The following RIC1 variants were observed in gnomAD, a reference collection of about 807,000 sequenced individuals.
The protein encoded by RIC1 is RIC1 partner of RAB6A GEF complex, also known as guanine nucleotide exchange factor subunit RIC1.
RIC1 carries 88 observed loss-of-function variants against 169.0 expected under a neutral mutation model. The ratio of observed to expected loss-of-function variants is 0.52; its 90% CI spans 0.44 to 0.62. RIC1 has a LOEUF of 0.62. Among genes scored for constraint, RIC1 ranks in the 20% least tolerant of loss-of-function variants. RIC1 has a pLI of 0.00. For synonymous variants in RIC1, 790 were observed against 601.5 expected (o/e 1.31, Z -4.59); for missense variants, 1,877 against 1,725.5 (o/e 1.09, Z -1.56).
chr9:5,668,433 T>G (rs1819907856), intron 2 of RIC1, among the ~76,000 whole-genome samples: 1 of 152,218 alleles, frequency 6.6e-6, no homozygotes, highest in Non-Finnish European at 1.5e-5. Flanking sequence ...TGGAATTTCT[T>G]GGATTTGTAT....
At chr9:5,667,032 A>G (rs1819813057) in intron 2 of RIC1, among the ~76,000 whole-genome samples, 1 of 152,138 alleles carries the variant, frequency 6.6e-6, no homozygotes, top group Non-Finnish European at 1.5e-5. Context: ...TTTTTCAAAG[A>G]GTCAACTTTT....
intron 7 of RIC1, among the ~76,000 whole-genome samples, chr9:5,735,052 G>A (rs747660275): frequency 3.3e-5 from 5 of 152,018 alleles, no homozygotes; most frequent in Non-Finnish European, 7.4e-5. Context: ...AATCGATCAA[G>A]ATTCATTAAT....
chr9:5,684,597 C>T (rs948755739), intron 2 of RIC1, among the ~76,000 whole-genome samples: 3 of 151,508 alleles, frequency 2.0e-5, no homozygotes, highest in African/African-American at 7.3e-5. Flanking sequence ...GTCTTGTGTC[C>T]AGCAGTCATA....
intron 11 of RIC1, 141 bp from the exon 12 acceptor site, chr9:5,747,161 C>G: frequency 1.5e-6 from 1 of 646,862 alleles, no homozygotes. Flanking sequence ...TCTTTGTCCT[C>G]TGTGAAGAAA....
At chr9:5,679,682 A>G (rs1820693845) in intron 2 of RIC1, among the ~76,000 whole-genome samples, 1 of 152,236 alleles carries the variant, frequency 6.6e-6, no homozygotes, top group South Asian at 2.1e-4. Flanking sequence ...ATTTTTGCAC[A>G]TTGATTTTGT....
intron 1 of RIC1, among the ~76,000 whole-genome samples, chr9:5,636,344 A>G (rs542481609): frequency 2.2e-4 from 34 of 152,206 alleles, no homozygotes; most frequent in African/African-American, 7.9e-4. Flanking sequence ...TTTTAGACAA[A>G]GTCTCGCTCT....
chr9:5,656,249 T>C (rs535483901), intron 1 of RIC1, among the ~76,000 whole-genome samples: 1 of 152,336 alleles, frequency 6.6e-6, no homozygotes, highest in South Asian at 2.1e-4. Context: ...GAAGTACTCC[T>C]GCTTCTATCT....
rs143804968 is a variant in RIC1, at chr9:5,725,482, A to G, written c.720+4732A>G. Among the ~76,000 whole-genome samples, 1,074 of 152,062 alleles carry G rather than the reference A, an allele frequency of 7.1e-3. 10 individuals carry two copies. Among genetic ancestry groups the G allele is most frequent in the Non-Finnish European group, 9.4e-3 (641 of 67,990 alleles). ...CATTAGTCTTGCTAGTGGTCTATCAATTTCGTCAGTCTTTTCAAAAAACCA... is the reference window on the plus strand; with the variant it reads ...CATTAGTCTTGCTAGTGGTCTATCAGTTTCGTCAGTCTTTTCAAAAAACCA... On this transcript the variant is annotated intron_variant, in intron 6 of 25. Coordinates refer to ENST00000414202, the MANE Select transcript of RIC1 (RefSeq NM_020829.4).
chr9:5,658,517 A>C lies in RIC1; in HGVS notation c.252+1827A>C, dbSNP rs925450269. On this transcript the variant is annotated intron_variant, in intron 2 of 25. Coordinates refer to ENST00000414202, the MANE Select transcript of RIC1 (RefSeq NM_020829.4). ...CCATGTGAAGTATGAATTGACTAAG[A>C]ATTACTGTGAATGACCTGCAGAACA... is the stretch of plus-strand genomic sequence containing the variant. Among the ~76,000 whole-genome samples the C allele has an allele frequency of 7.2e-5, 11 of 152,200 alleles. No individual in the cohort carries two copies. In the East Asian group the frequency reaches 1.5e-3, roughly 21 times the overall value.
At chr9:5,686,627 T>A (rs1821248477) in intron 2 of RIC1, among the ~76,000 whole-genome samples, 1 of 64,960 alleles carries the variant, frequency 1.5e-5, no homozygotes, top group Admixed American at 2.5e-4. Flanking sequence ...GGGACTGTGG[T>A]GGGGTGGGGG....
chr9:5,664,964 G>A (rs917670576), intron 2 of RIC1, among the ~76,000 whole-genome samples: 9 of 152,116 alleles, frequency 5.9e-5, no homozygotes, highest in African/African-American at 1.9e-4. Context: ...CTAACAGGTC[G>A]GTTATGTTGC....
In RIC1 at chr9:5,629,215, G is replaced by T; in HGVS notation, c.-95G>T. On this transcript the variant is annotated 5_prime_UTR_variant, in exon 1 of 26. Transcript: ENST00000414202. ...CCGAGCTGCCGCCGCCGCCGCCGCC[G>T]ACTCGGCCGGTGGCGGTGTGGGAGG... is the stretch of plus-strand genomic sequence containing the variant. 8.2e-7 allele frequency: 1 copy of T among 1,218,402 alleles called. No homozygotes were observed. 75.5% of individuals were successfully genotyped at this position (1,218,402 alleles called of 1,614,324 possible).
chr9:5,744,013 G>A (rs1051873899), intron 10 of RIC1, among the ~76,000 whole-genome samples: 2 of 150,364 alleles, frequency 1.3e-5, no homozygotes, highest in Non-Finnish European at 1.5e-5. Context: ...TGTTGCCCAG[G>A]CTGGCCCCCT....
intron 1 of RIC1, among the ~76,000 whole-genome samples, chr9:5,645,298 G>C (rs1576985): frequency 0.46 from 70,386 of 151,926 alleles, 16,768 homozygotes; most frequent in East Asian, 0.6. Context: ...GCTATCCTCC[G>C]AAAGTGTTGG....
intron 7 of RIC1, among the ~76,000 whole-genome samples, chr9:5,736,062 A>G (rs973754703): frequency 1.1e-4 from 16 of 152,240 alleles, no homozygotes; most frequent in African/African-American, 3.6e-4. Context: ...TACCTAAAAG[A>G]TTGTCAGACT....
At position 5,765,511 on chromosome 9, in the gene RIC1, G is replaced by A. The variant is rs765350029; in HGVS notation, c.2939G>A (p.Arg980Gln). 4.3e-6 allele frequency: 7 copies of A among 1,614,094 alleles called. No homozygotes were observed. Among genetic ancestry groups the A allele is most frequent in the South Asian group, 1.1e-5 (1 of 91,074 alleles). Residue 980 changes from arginine to glutamine, a missense_variant, in exon 20 of 26, where the codon CGA (arginine) becomes CAA (glutamine). Physicochemically the swap from Arg to Gln is conservative, Grantham distance 43. Transcript: ENST00000414202. ...GKWDLCRHMI[R>Q]FLKAIGSGES... ...TGGGACCTTTGTCGACACATGATTC[G>A]ATTTCTTAAAGCCATTGGCTCTGGA...
intron 3 of RIC1, among the ~76,000 whole-genome samples, chr9:5,707,043 TTCTC>T (rs1469873169): frequency 6.6e-6 from 1 of 152,190 alleles, no homozygotes; most frequent in Non-Finnish European, 1.5e-5. Flanking sequence ...ACCTATAAAT[TTCTC>T]TCTGAGGACT....
chr9:5,662,999 A>G (rs1440432250), intron 2 of RIC1, among the ~76,000 whole-genome samples: 1 of 152,186 alleles, frequency 6.6e-6, no homozygotes, highest in African/African-American at 2.4e-5. Flanking sequence ...ACACTGCTTT[A>G]GCTGCATCCC....
intron 1 of RIC1, among the ~76,000 whole-genome samples, chr9:5,652,123 T>C (rs1818838753): frequency 6.6e-6 from 1 of 152,238 alleles, no homozygotes; most frequent in African/African-American, 2.4e-5. Flanking sequence ...CTTTGTAGTA[T>C]ATTTTGAAGT....
Sources: allele counts gnomAD v4.1 joint callset (sites outside exome capture counted in the v4.1 genomes callset), GRCh38; gene constraint gnomAD v4.1.1; transcripts MANE v1.5; gene names NCBI Gene and HGNC (gene_info 2026-07-23, HGNC 2026-07-21).